Variants in SNX30 observed in about 807,000 individuals in gnomAD.
SNX30 encodes the protein sorting nexin-30.
In SNX30, 24 loss-of-function variants were observed where a neutral mutation model predicts 46.4. That is an observed-to-expected ratio of 0.52 (90% CI 0.37 to 0.73). The LOEUF is 0.73. SNX30 is among the 30% of genes least tolerant of loss of function. The pLI is 0.00. For synonymous variants in SNX30, 189 were observed against 211.5 expected (o/e 0.89, Z 0.92); for missense variants, 533 against 555.7 (o/e 0.96, Z 0.41).
chr9:112,808,835 G>A (rs961841794), intron 2 of SNX30, among the ~76,000 whole-genome samples: 2 of 152,160 alleles, frequency 1.3e-5, no homozygotes, highest in African/African-American at 4.8e-5. Context: ...CTGCAATAGC[G>A]TTCCATTGTA....
intron 5 of SNX30, among the ~76,000 whole-genome samples, chr9:112,837,887 C>CTTTTTT (rs10713538): frequency 8.4e-5 from 6 of 71,158 alleles, no homozygotes; most frequent in Non-Finnish European, 1.3e-4. Context: ...TGGTTCTTTT[C>CTTTTTT]TTTTTTTTTT....
At chr9:112,794,937 G>A (rs1840084764) in intron 1 of SNX30, among the ~76,000 whole-genome samples, 2 of 152,092 alleles carry the variant, frequency 1.3e-5, no homozygotes, top group Admixed American at 1.3e-4. Context: ...GGTGAAAATT[G>A]GTATTTTGCA....
intron 2 of SNX30, among the ~76,000 whole-genome samples, chr9:112,809,628 TC>T (rs1658814506): frequency 2.0e-5 from 3 of 152,018 alleles, no homozygotes; most frequent in African/African-American, 7.2e-5. Flanking sequence ...GCCTCAGTGG[TC>T]AACAGAGTCT....
intron 1 of SNX30, among the ~76,000 whole-genome samples, chr9:112,794,312 C>G (rs1050772767): frequency 1.3e-5 from 2 of 152,034 alleles, no homozygotes; most frequent in Admixed American, 6.5e-5. Flanking sequence ...GCCAACACCC[C>G]TGGCTAATTT....
intron 1 of SNX30, among the ~76,000 whole-genome samples, chr9:112,752,162 A>G (rs946754123): frequency 7.9e-5 from 12 of 152,208 alleles, no homozygotes; most frequent in Non-Finnish European, 1.6e-4. Context: ...CATGTGGTAC[A>G]GTGAAAAAGG....
At chr9:112,765,990 G>T (rs925287410) in intron 1 of SNX30, among the ~76,000 whole-genome samples, 5 of 152,148 alleles carry the variant, frequency 3.3e-5, no homozygotes, top group Non-Finnish European at 7.4e-5. Context: ...TTTTAGTAGA[G>T]ATGGGGTTTC....
rs145248061 is a variant in SNX30 at position 112,838,190 on chromosome 9, C to T, written c.815-308C>T. The stretch of plus-strand genomic sequence containing the variant: ...CAGGTATGAGCCACCACCAGGCCAG[C>T]GAGTGGTTATTTTCGAAGATGTTTG... On this transcript the variant is annotated intron_variant, in intron 5 of 8. Transcript: ENST00000374232. Among the ~76,000 whole-genome samples, 330 of 152,188 alleles carry T rather than the reference C, an allele frequency of 2.2e-3. 2 individuals carry two copies. The highest frequency in any genetic ancestry group is 7.2e-3 in the African/African-American group (298 of 41,546).
chr9:112,856,447 T>G, intron 7 of SNX30, among the ~76,000 whole-genome samples: 1 of 131,164 alleles, frequency 7.6e-6, no homozygotes, highest in African/African-American at 2.9e-5. Flanking sequence ...GTGGGTGTGG[T>G]GTTTTGGGGG....
chr9:112,780,524 T>C (rs768352286), intron 1 of SNX30, among the ~76,000 whole-genome samples: 2 of 152,202 alleles, frequency 1.3e-5, no homozygotes, highest in Admixed American at 6.5e-5. Context: ...CTCTAAGCCT[T>C]CTATTTGCAC....
intron 3 of SNX30, among the ~76,000 whole-genome samples, chr9:112,826,339 G>A (rs1840579139): frequency 6.6e-6 from 1 of 152,174 alleles, no homozygotes; most frequent in Non-Finnish European, 1.5e-5. Context: ...AAGGCTGGGG[G>A]TTGAGAAATC....
intron 7 of SNX30, among the ~76,000 whole-genome samples, chr9:112,857,611 G>A (rs1270828691): frequency 6.6e-6 from 1 of 152,194 alleles, no homozygotes; most frequent in Non-Finnish European, 1.5e-5. Context: ...TCTGTCTTGT[G>A]TAGTCTTTGG....
intron 1 of SNX30, among the ~76,000 whole-genome samples, chr9:112,783,765 C>T (rs563526439): frequency 6.6e-6 from 1 of 152,306 alleles, no homozygotes; most frequent in South Asian, 2.1e-4. Context: ...CAAGATTCCC[C>T]ATGTCAGTTT....
intron 3 of SNX30, among the ~76,000 whole-genome samples, chr9:112,819,998 A>G (rs1028160677): frequency 2.0e-5 from 3 of 152,206 alleles, no homozygotes; most frequent in African/African-American, 7.2e-5. Flanking sequence ...ACCATGCATC[A>G]GGGAGCTGCC....
intron 7 of SNX30, among the ~76,000 whole-genome samples, chr9:112,856,257 AG>A (rs1413727862): frequency 2.1e-5 from 3 of 142,564 alleles, no homozygotes; most frequent in African/African-American, 5.2e-5. Context: ...GTCGGAGTGC[AG>A]ATGAGGAGAG....
chr9:112,798,121 C>G (rs200078472), intron 1 of SNX30, among the ~76,000 whole-genome samples: 2 of 77,892 alleles, frequency 2.6e-5, no homozygotes, highest in East Asian at 3.8e-4. Context: ...TTTTTTTTTT[C>G]TTTTTTTTTT....
chr9:112,813,947 C>T (rs1840358781), intron 2 of SNX30, among the ~76,000 whole-genome samples: 1 of 152,138 alleles, frequency 6.6e-6, no homozygotes, highest in Non-Finnish European at 1.5e-5. Flanking sequence ...AATATCCTTG[C>T]CACAGTTTAG....
intron 8 of SNX30, chr9:112,866,460 G>C (rs1398998705): frequency 3.2e-5 from 15 of 470,588 alleles, no homozygotes. Context: ...GTATGGCCTT[G>C]GTTTATCATG....
chr9:112,881,896 C>T (rs911741072), downstream of SNX30, among the ~76,000 whole-genome samples: 5 of 152,072 alleles, frequency 3.3e-5, no homozygotes, highest in African/African-American at 1.2e-4. Context: ...GGAAAATTCT[C>T]TTTGAGAAAA....
At position 112,787,860 on chromosome 9, in the gene SNX30, G is replaced by A. The variant is rs369629392; in HGVS notation, c.157-16916G>A. Reference sequence around the variant, plus strand: ...CGCCCAGGGTAGAGTACAGTGGCGCGATCTTGGCTCACTGCAACCTCTGCC... The same window carrying A: ...CGCCCAGGGTAGAGTACAGTGGCGCAATCTTGGCTCACTGCAACCTCTGCC... On this transcript the variant is annotated intron_variant, in intron 1 of 8. Transcript: ENST00000374232. Among the ~76,000 whole-genome samples, 10 of 151,696 alleles carry A rather than the reference G, an allele frequency of 6.6e-5. No homozygotes were observed. The South Asian group carries it at 1.9e-3, about 29-fold the overall frequency.
Sources: gnomAD v4.1 joint callset for allele counts (sites outside exome capture counted in the v4.1 genomes callset) on GRCh38, gnomAD v4.1.1 for gene constraint, MANE v1.5 for transcripts, NCBI Gene and HGNC (gene_info 2026-07-23, HGNC 2026-07-21) for gene names.